DPP4: variants seen among roughly 807,000 people sequenced by gnomAD.
DPP4 encodes the protein ADCP-2.
A neutral mutation model predicts 122.4 loss-of-function variants in DPP4; 93 were observed. The ratio of observed to expected loss-of-function variants is 0.76; its 90% CI spans 0.64 to 0.90. The LOEUF (loss-of-function observed/expected upper bound fraction) is 0.90, where lower values mean the gene tolerates loss of function less well. Among genes scored for constraint, DPP4 ranks in the 40% least tolerant of loss-of-function variants. DPP4 has a pLI of 0.00. For synonymous variants in DPP4, 321 were observed against 302.9 expected, an observed-to-expected ratio of 1.06 and a Z score of -0.62; for missense variants, 914 against 907.3, an observed-to-expected ratio of 1.01 and a Z score of -0.09.
intron 2 of DPP4, among the ~76,000 whole-genome samples, chr2:162,058,187 T>C (rs978438189): frequency 1.3e-5 from 2 of 152,236 alleles, no homozygotes; most frequent in African/African-American, 4.8e-5. Flanking sequence ...TAATTAGAAC[T>C]TAAATCTGTT....
intron 23 of DPP4, among the ~76,000 whole-genome samples, chr2:162,001,650 C>A (rs144881003): frequency 3.9e-5 from 6 of 152,294 alleles, no homozygotes; most frequent in Non-Finnish European, 7.3e-5. Flanking sequence ...CTGTGACTGA[C>A]CACATGAGAG....
At chr2:162,028,893 C>T (rs905022215) in intron 10 of DPP4, among the ~76,000 whole-genome samples, 2 of 152,118 alleles carry the variant, frequency 1.3e-5, no homozygotes, top group South Asian at 2.1e-4. Flanking sequence ...GTGTTGGAGC[C>T]GGGATTCAAT....
In DPP4 at chr2:162,014,430, CAA is replaced by C; in HGVS notation, c.1601_1602del (p.Phe534Ter). 1 of 1,608,542 alleles carries C rather than the reference CAA, an allele frequency of 6.2e-7. No individual in the cohort carries two copies. Among genetic ancestry groups the C allele is most frequent in the Non-Finnish European group, 8.5e-7 (1 of 1,177,400 alleles). On this transcript the variant is annotated frameshift_variant, in exon 19 of 26. Coordinates refer to ENST00000360534, the MANE Select transcript of DPP4 (RefSeq NM_001935.4). LOFTEE classifies it high-confidence loss of function. ...AGTAGAGGATATTTCTTGGATTTATCAAAATGAGGAGGCAAGATCATCTGATA... is the reference window on the plus strand; with the variant it reads ...AGTAGAGGATATTTCTTGGATTTATCAATGAGGAGGCAAGATCATCTGATA... Reference protein sequence around the residue: ...FWYQMILPPHFDKSKKYPLLL... With the variant: ...FWYQMILPPHXDKSKKYPLLL...
intron 2 of DPP4, among the ~76,000 whole-genome samples, chr2:162,059,754 C>T (rs1007909129): frequency 6.6e-6 from 1 of 152,204 alleles, no homozygotes; most frequent in African/African-American, 2.4e-5. Flanking sequence ...AAAACTGCCA[C>T]AGGAATTGCC....
rs1491588211 is a variant in DPP4 at position 162,033,893 on chromosome 2, T to TATATATATATAC, written c.775-241_775-240insGTATATATATAT. On this transcript the variant is annotated intron_variant, in intron 9 of 25. Transcript: ENST00000360534. ...ATATATATATATATATATATATATA[T>TATATATATATAC]ACACACTATATAAAACTTGAAGGTC... 5.6e-3 allele frequency among the ~76,000 whole-genome samples: 774 copies of TATATATATATAC among 138,306 alleles called. 5 individuals carry two copies. Among genetic ancestry groups the TATATATATATAC allele is most frequent in the African/African-American group, 0.019 (700 of 36,032 alleles). The allele number at this position is 138,306 out of a possible 152,430, so 90.7% of individuals were successfully genotyped here.
intron 16 of DPP4, 145 bp from the exon 17 acceptor site, chr2:162,017,300 G>A: frequency 1.5e-6 from 1 of 665,752 alleles, no homozygotes; most frequent in East Asian, 2.8e-5. Flanking sequence ...TTTAATACAT[G>A]TTAGCTGTTT....
intron 10 of DPP4, among the ~76,000 whole-genome samples, chr2:162,031,489 G>T (rs547695624): frequency 1.8e-4 from 27 of 152,296 alleles, no homozygotes; most frequent in African/African-American, 5.3e-4. Context: ...AGGTGCTCAT[G>T]GCTCATCCTC....
Position 162,038,391 on chromosome 2 carries a change from T to A in DPP4, c.524A>T (p.Lys175Ile). The A allele has an allele frequency of 6.2e-7, 1 of 1,609,320 alleles. No homozygotes were observed. The highest frequency in any genetic ancestry group is 1.1e-5 in the South Asian group (1 of 90,282). Residue 175 changes from lysine to isoleucine, a missense_variant, in exon 8 of 26, where the codon AAA (lysine) becomes ATA (isoleucine). Coordinates refer to ENST00000360534, the MANE Select transcript of DPP4 (RefSeq NM_001935.4). The stretch of plus-strand genomic sequence containing the variant: ...GTAACTTGGTAAATTTGGTTCAATT[T>A]TAACATAAATGTCATTGTTCCAAAC... Reference protein sequence around the residue: ...AYVWNNDIYVKIEPNLPSYRI... With the variant: ...AYVWNNDIYVIIEPNLPSYRI...
At chr2:162,002,528 T>C (rs962707150) in intron 23 of DPP4, among the ~76,000 whole-genome samples, 1 of 152,148 alleles carries the variant, frequency 6.6e-6, no homozygotes, top group East Asian at 1.9e-4. Context: ...GAGTCACTGA[T>C]CCAGACTAAA....
chr2:161,999,526 C>A (rs551397911), intron 23 of DPP4, among the ~76,000 whole-genome samples: 2 of 152,156 alleles, frequency 1.3e-5, no homozygotes, highest in African/African-American at 4.8e-5. Context: ...CCGCTGCCAG[C>A]AACAGCCTGG....
Position 162,074,164 on chromosome 2 carries a change from G to C in DPP4, c.-183C>G, listed in dbSNP as rs1181331729. ...CCCGCTGGGTATAAAGGCGCCGCGG[G>C]CAGGCTGCAGGGCAGGCGGCGCGGG... On this transcript the variant is annotated 5_prime_UTR_variant, in exon 1 of 26. Transcript: ENST00000360534. The C allele has an allele frequency of 7.6e-7, 1 of 1,308,436 alleles. No individual in the cohort carries two copies. Among genetic ancestry groups the C allele is most frequent in the Non-Finnish European group, 9.7e-7 (1 of 1,030,624 alleles). The allele number at this position is 1,308,436 out of a possible 1,614,324, so 81.1% of individuals were successfully genotyped here.
At chr2:162,033,372 G>A (rs1384441409) in intron 10 of DPP4, among the ~76,000 whole-genome samples, 169 bp downstream of exon 10, 2 of 152,182 alleles carry the variant, frequency 1.3e-5, no homozygotes, top group African/African-American at 2.4e-5. Context: ...TGCCCAGCCT[G>A]AGGACGTGAA....
chr2:162,012,036 T>C, intron 19 of DPP4, 49 bp from the exon 20 acceptor site: 7 of 1,561,438 alleles, frequency 4.5e-6, no homozygotes, highest in Non-Finnish European at 6.1e-6. Flanking sequence ...TGGAATCAAA[T>C]GAGGAATGCT....
intron 23 of DPP4, among the ~76,000 whole-genome samples, chr2:162,004,119 T>C (rs1225351596): frequency 8.6e-5 from 13 of 152,024 alleles, no homozygotes; most frequent in South Asian, 4.1e-4. Context: ...CCAGACAAAG[T>C]AGGCTACTAC....
intron 10 of DPP4, among the ~76,000 whole-genome samples, chr2:162,032,691 A>AAACAAC (rs201670443): frequency 6.6e-6 from 1 of 150,504 alleles, no homozygotes; most frequent in Non-Finnish European, 1.5e-5. Context: ...AAAAACAAAC[A>AAACAAC]AACAACAACA....
chr2:162,060,694 G>T (rs2106152092), intron 2 of DPP4, among the ~76,000 whole-genome samples: 1 of 152,200 alleles, frequency 6.6e-6, no homozygotes, highest in African/African-American at 2.4e-5. Flanking sequence ...TCAGTTCTGT[G>T]GTATCTGTCC....
At chr2:162,006,791 C>T (rs557007922) in intron 22 of DPP4, among the ~76,000 whole-genome samples, 19 of 152,022 alleles carry the variant, frequency 1.2e-4, no homozygotes, top group Non-Finnish European at 2.4e-4. Context: ...TGAAAACTGC[C>T]TCCTTAAGTG....
intron 22 of DPP4, among the ~76,000 whole-genome samples, chr2:162,006,799 G>A (rs2106083063): frequency 6.6e-6 from 1 of 152,022 alleles, no homozygotes; most frequent in East Asian, 1.9e-4. Flanking sequence ...GCCTCCTTAA[G>A]TGACCAGATT....
At chr2:162,073,232 T>G (rs1344043044) in intron 2 of DPP4, 167 bp downstream of exon 2, 1 of 626,252 alleles carries the variant, frequency 1.6e-6, no homozygotes, top group East Asian at 2.8e-5. Flanking sequence ...GCGAAGTGAA[T>G]CCAGCTGCTG....
Sources: gnomAD v4.1 joint callset for allele counts (sites outside exome capture counted in the v4.1 genomes callset) on GRCh38, gnomAD v4.1.1 for gene constraint, MANE v1.5 for transcripts, NCBI Gene and HGNC (gene_info 2026-07-23, HGNC 2026-07-21) for gene names.